KCNAB1: variants seen among roughly 807,000 people sequenced by gnomAD.
KCNAB1 encodes the protein potassium voltage-gated channel subfamily A regulatory beta subunit 1, also known as voltage-gated potassium channel subunit beta-1.
Under a neutral mutation model 64.6 loss-of-function variants are expected in KCNAB1, and 35 were observed. The observed-to-expected ratio is 0.54, with a 90% CI of 0.41 to 0.72. The LOEUF is 0.72. KCNAB1 is among the 30% of genes least tolerant of loss of function. The probability of loss-of-function intolerance (pLI) is 0.00; values close to 1 mark genes in which losing one functional copy is unlikely to be tolerated. For synonymous variants in KCNAB1, 177 were observed against 183.8 expected, an observed-to-expected ratio of 0.96 and a Z score of 0.30; for missense variants, 401 against 512.9, an observed-to-expected ratio of 0.78 and a Z score of 2.11.
chr3:156,209,293 T>G (rs1714868833), intron 1 of KCNAB1, among the ~76,000 whole-genome samples: 2 of 152,162 alleles, frequency 1.3e-5, no homozygotes, highest in Non-Finnish European at 2.9e-5. Context: ...AAATAGCATG[T>G]GCAAAGGTAC....
chr3:156,390,244 A>C (rs1197497902), intron 1 of KCNAB1, among the ~76,000 whole-genome samples: 1 of 152,172 alleles, frequency 6.6e-6, no homozygotes, highest in African/African-American at 2.4e-5. Flanking sequence ...GATAGACCAG[A>C]GGAAGAATTT....
At chr3:156,161,211 G>C (rs1029080361) in intron 1 of KCNAB1, among the ~76,000 whole-genome samples, 2 of 152,120 alleles carry the variant, frequency 1.3e-5, no homozygotes, top group East Asian at 1.9e-4. Flanking sequence ...CCCTTTAAGA[G>C]GTATTAAAGG....
intron 1 of KCNAB1, among the ~76,000 whole-genome samples, chr3:156,300,876 A>G (rs1237603368): frequency 6.6e-6 from 1 of 152,216 alleles, no homozygotes; most frequent in East Asian, 1.9e-4. Flanking sequence ...AACAACTTGT[A>G]CTGTGATTAA....
At chr3:156,179,151 G>T (rs1712609526) in intron 1 of KCNAB1, among the ~76,000 whole-genome samples, 1 of 151,714 alleles carries the variant, frequency 6.6e-6, no homozygotes, top group South Asian at 2.1e-4. Flanking sequence ...AAATAGATAT[G>T]AATTTATTGA....
intron 1 of KCNAB1, among the ~76,000 whole-genome samples, chr3:156,406,037 GA>G (rs1714225374): frequency 6.6e-6 from 1 of 152,192 alleles, no homozygotes; most frequent in Non-Finnish European, 1.5e-5. Context: ...GTATAGCACA[GA>G]GTAGATACAC....
intron 1 of KCNAB1, among the ~76,000 whole-genome samples, chr3:156,250,747 G>C (rs1331868805): frequency 6.6e-6 from 1 of 152,118 alleles, no homozygotes; most frequent in Non-Finnish European, 1.5e-5. Context: ...GATTTGCCCT[G>C]TCAGCTAGAT....
At chr3:156,205,474 C>CA (rs970210948) in intron 1 of KCNAB1, among the ~76,000 whole-genome samples, 1 of 152,092 alleles carries the variant, frequency 6.6e-6, no homozygotes, top group Non-Finnish European at 1.5e-5. Context: ...TGAATTTGCA[C>CA]AAAAAATATG....
At chr3:156,412,803 G>A (rs1714765837) in intron 1 of KCNAB1, among the ~76,000 whole-genome samples, 1 of 152,204 alleles carries the variant, frequency 6.6e-6, no homozygotes. Flanking sequence ...GGTGCTGAAG[G>A]AAGCTGGCTC....
At chr3:156,241,953 T>C (rs1415321356) in intron 1 of KCNAB1, among the ~76,000 whole-genome samples, 1 of 152,198 alleles carries the variant, frequency 6.6e-6, no homozygotes, top group Non-Finnish European at 1.5e-5. Context: ...ATTTTGAAAA[T>C]CTTTCTTTTC....
chr3:156,358,663 C>T (rs1725412765), intron 1 of KCNAB1, among the ~76,000 whole-genome samples: 1 of 139,792 alleles, frequency 7.2e-6, no homozygotes, highest in Admixed American at 6.8e-5. Context: ...GGGTTTTTCT[C>T]TTTCCATTTT....
intron 1 of KCNAB1, among the ~76,000 whole-genome samples, chr3:156,192,307 C>T (rs1233407911): frequency 1.3e-5 from 2 of 152,132 alleles, no homozygotes; most frequent in East Asian, 1.9e-4. Flanking sequence ...ATTCTTGTCT[C>T]TTTGAGGATT....
At chr3:156,326,390 T>C (rs1231257516) in intron 1 of KCNAB1, among the ~76,000 whole-genome samples, 1 of 152,174 alleles carries the variant, frequency 6.6e-6, no homozygotes, top group Non-Finnish European at 1.5e-5. Context: ...TCATAGAATA[T>C]TGGCAAATAT....
At chr3:156,485,948 C>T (rs1363220997) in intron 8 of KCNAB1, among the ~76,000 whole-genome samples, 1 of 152,082 alleles carries the variant, frequency 6.6e-6, no homozygotes, top group Non-Finnish European at 1.5e-5. Flanking sequence ...GCATACTATT[C>T]CATAGTATTT....
chr3:156,327,453 G>A (rs1576729393), intron 1 of KCNAB1, among the ~76,000 whole-genome samples: 1 of 152,224 alleles, frequency 6.6e-6, no homozygotes, highest in Non-Finnish European at 1.5e-5. Flanking sequence ...TGAGAAATAT[G>A]ATTTCAAGCC....
At chr3:156,265,217 A>G (rs1405519954) in intron 1 of KCNAB1, among the ~76,000 whole-genome samples, 1 of 152,108 alleles carries the variant, frequency 6.6e-6, no homozygotes, top group African/African-American at 2.4e-5. Flanking sequence ...AACTTGGGGT[A>G]CTCTTGCTTA....
chr3:156,143,406 G>A (rs772601011), intron 1 of KCNAB1: 6 of 1,588,818 alleles, frequency 3.8e-6, no homozygotes, highest in South Asian at 3.5e-5. Context: ...GAGCAGAGAC[G>A]GGCATGGCAT....
At chr3:156,120,086 G>A (rs1466550278), upstream of KCNAB1, among the ~76,000 whole-genome samples, 2 of 152,126 alleles carry the variant, frequency 1.3e-5, no homozygotes, top group African/African-American at 2.4e-5. Context: ...AATTTAAAAT[G>A]TTCAGGTTTG....
intron 8 of KCNAB1, among the ~76,000 whole-genome samples, chr3:156,496,611 T>G (rs1716031067): frequency 6.6e-6 from 1 of 152,172 alleles, no homozygotes; most frequent in Admixed American, 6.6e-5. Context: ...GTATAGAACG[T>G]TTGCATACAT....
intron 1 of KCNAB1, among the ~76,000 whole-genome samples, chr3:156,174,063 G>A (rs1163207894): frequency 6.6e-6 from 1 of 152,148 alleles, no homozygotes; most frequent in African/African-American, 2.4e-5. Flanking sequence ...GCAGACTACC[G>A]ATTATGGGAC....
Sources: gnomAD v4.1 joint callset for allele counts (sites outside exome capture counted in the v4.1 genomes callset) on GRCh38, gnomAD v4.1.1 for gene constraint, MANE v1.5 for transcripts, NCBI Gene and HGNC (gene_info 2026-07-23, HGNC 2026-07-21) for gene names.